Variants in DST observed in about 807,000 individuals in gnomAD.
The protein encoded by DST is bullous pemphigoid antigen.
A neutral mutation model predicts 875.2 loss-of-function variants in DST; 253 were observed. The observed-to-expected ratio is 0.29, with a 90% confidence interval of 0.26 to 0.32. DST has a LOEUF of 0.32. DST is among the 10% of genes least tolerant of loss of function. The pLI, the probability that DST is intolerant of heterozygous loss-of-function variation, is 1.00. For synonymous variants in DST, 3,124 were observed against 3,197.1 expected (o/e 0.98, Z 0.77); for missense variants, 8,287 against 9,111.6 (o/e 0.91, Z 3.68).
At chr6:56,548,660 C>T (rs2097268594) in intron 61 of DST, among the ~76,000 whole-genome samples, 1 of 152,088 alleles carries the variant, frequency 6.6e-6, no homozygotes, top group Non-Finnish European at 1.5e-5. Context: ...AACAGAATCG[C>T]CCTGCTATTC....
At chr6:56,707,359 A>C (rs2099345171) in intron 5 of DST, among the ~76,000 whole-genome samples, 1 of 152,228 alleles carries the variant, frequency 6.6e-6, no homozygotes, top group East Asian at 1.9e-4. Flanking sequence ...TATAACCAGA[A>C]AGCAGCCAAA....
At chr6:56,627,760 T>C (rs888022280) in intron 33 of DST, among the ~76,000 whole-genome samples, 1 of 152,192 alleles carries the variant, frequency 6.6e-6, no homozygotes, top group Non-Finnish European at 1.5e-5. Context: ...ATTAGGAATT[T>C]GAAAAGTATC....
rs59305137 is a variant in DST, at chr6:56,469,720, AC to A, written c.22551+162del. The A allele has an allele frequency of 0.015, 9,462 of 634,484 alleles. 493 individuals carry two copies. The highest frequency in any genetic ancestry group is 0.13 in the African/African-American group (6,903 of 54,252). The allele number at this position is 634,484 out of a possible 1,614,324, so 39.3% of individuals were successfully genotyped here. ...TATGCAAAATGCAGGCTGCCGTTATACAAATTAAAATGTTAAATGTAAGAGT... is the reference window on the plus strand; with the variant it reads ...TATGCAAAATGCAGGCTGCCGTTATAAAATTAAAATGTTAAATGTAAGAGT... On this transcript the variant is annotated intron_variant, in intron 97 of 103. Coordinates refer to ENST00000680361, the MANE Select transcript of DST (RefSeq NM_001374736.1).
chr6:56,855,395 C>T (rs886684912), intron 3 of DST, among the ~76,000 whole-genome samples: 2 of 151,976 alleles, frequency 1.3e-5, no homozygotes, highest in African/African-American at 4.8e-5. Flanking sequence ...CATACATTTA[C>T]GGAAGATTAA....
intron 9 of DST, chr6:56,693,027 G>C: frequency 7.8e-7 from 1 of 1,289,690 alleles, no homozygotes; most frequent in Non-Finnish European, 1.0e-6. Context: ...CAGTTTTTTT[G>C]ATCGGTTTTC....
In DST at chr6:56,848,663, C is replaced by A. The variant is rs982780644; in HGVS notation, c.625+2734G>T. ...GTTAAACAGATATTTATGGACTGGC[C>A]CCCCAAGTCTATCCTCCATGTATGA... On this transcript the variant is annotated intron_variant, in intron 4 of 103. Coordinates refer to ENST00000680361, the MANE Select transcript of DST (RefSeq NM_001374736.1). Among the ~76,000 whole-genome samples, 14 of 152,106 alleles carry A rather than the reference C, an allele frequency of 9.2e-5. 1 individual carries two copies. In the South Asian group the frequency reaches 2.3e-3, roughly 25 times the overall value.
At chr6:56,912,237 G>A (rs1177287806) in intron 2 of DST, among the ~76,000 whole-genome samples, 1 of 152,196 alleles carries the variant, frequency 6.6e-6, no homozygotes, top group Non-Finnish European at 1.5e-5. Flanking sequence ...TTATTATGGA[G>A]TCTTGGGGTC....
intron 71 of DST, among the ~76,000 whole-genome samples, chr6:56,516,507 T>C (rs1315912215): frequency 2.0e-5 from 3 of 152,200 alleles, no homozygotes; most frequent in East Asian, 3.9e-4. Context: ...TTATTTTATC[T>C]GTGGTCTACC....
intron 48 of DST, 112 bp downstream of exon 48, chr6:56,593,551 T>C: frequency 1.5e-6 from 1 of 653,736 alleles, no homozygotes; most frequent in Non-Finnish European, 2.3e-6. Flanking sequence ...AGGCTAAAGC[T>C]ACCTTTTCCT....
Position 56,606,178 on chromosome 6 carries a change from C to T in DST, c.8450G>A (p.Gly2817Glu), listed in dbSNP as rs368370438. Residue 2817 changes from glycine (G) to glutamate (E), a missense_variant, in exon 40 of 104, where the codon GGA becomes GAA. Around this residue, in one of 10 missense-constraint regions of DST, gnomAD observed 3,138 missense variants for 3,116.6 expected, o/e 1.01. Transcript: ENST00000680361. ...CTTTCCATTCTCATCTCTTATACCT[C>T]CTCCTTCTTCATCAATGCCATCATC... ...DDDDGIDEEG[G>E]GIRDENGKPR... 13 of 1,592,672 alleles carry T rather than the reference C, an allele frequency of 8.2e-6. No individual in the cohort carries two copies. The highest frequency in any genetic ancestry group is 4.0e-5 in the African/African-American group (3 of 74,554).
intron 4 of DST, chr6:56,742,212 C>T (rs2099549528): frequency 1.8e-6 from 2 of 1,104,132 alleles, no homozygotes; most frequent in African/African-American, 1.6e-5. Flanking sequence ...GCAGGTAGTG[C>T]AACTTTCCCT....
chr6:56,851,332 A>C, intron 4 of DST, 65 bp downstream of exon 4: 1 of 1,458,044 alleles, frequency 6.9e-7, no homozygotes. Flanking sequence ...GCCCCCCAGG[A>C]GGTAGATGGG....
At chr6:56,590,452 T>G (rs1055543909) in intron 49 of DST, among the ~76,000 whole-genome samples, 1 of 152,174 alleles carries the variant, frequency 6.6e-6, no homozygotes, top group Admixed American at 6.5e-5. Context: ...ATATATGCAA[T>G]CAATAATTAT....
rs953344272 is a variant in DST at position 56,878,041 on chromosome 6, T to TA, written c.417+22379dup. Among the ~76,000 whole-genome samples, 217 of 147,858 alleles carry TA rather than the reference T, an allele frequency of 1.5e-3. 1 individual carries two copies. The highest frequency in any genetic ancestry group is 5.1e-3 in the African/African-American group (208 of 40,526). The stretch of plus-strand genomic sequence containing the variant: ...TATAGACCTGTAATGAATTGGAAGT[T>TA]AAAAAAAAAAATCTTTCCCACAAAT... On this transcript the variant is annotated intron_variant, in intron 3 of 103. Transcript: ENST00000680361.
rs2099388142 is a variant in DST, at chr6:56,714,458, C to T, written c.688-10089G>A. On this transcript the variant is annotated intron_variant, in intron 5 of 103. Coordinates refer to ENST00000680361, the MANE Select transcript of DST (RefSeq NM_001374736.1). The surrounding 1 kb of genome is among the most constrained non-coding windows in gnomAD (Gnocchi z 4.5). ...AACTAGTTTTCCCAGTTGTAAAAGC[C>T]CAGTGTCACAGAAGAGGTACTGCAC... is the stretch of plus-strand genomic sequence containing the variant. Among the ~76,000 whole-genome samples, 1 of 152,088 alleles carries T rather than the reference C, an allele frequency of 6.6e-6. No individual in the cohort carries two copies. Among genetic ancestry groups the T allele is most frequent in the Non-Finnish European group, 1.5e-5 (1 of 68,028 alleles).
Position 56,597,713 on chromosome 6 carries a change from C to T in DST, c.12195+27G>A, listed in dbSNP as rs775547801. The T allele has an allele frequency of 1.9e-5, 30 of 1,588,544 alleles. No homozygotes were observed. The East Asian group carries it at 6.3e-4, about 33-fold the overall frequency. On this transcript the variant is annotated intron_variant, in intron 47 of 103. Coordinates refer to ENST00000680361, the MANE Select transcript of DST (RefSeq NM_001374736.1). ...TTACCAACCTGGAAATAGAATTGAA[C>T]GATATCATATGTTTATAACAACACA...
intron 61 of DST, among the ~76,000 whole-genome samples, chr6:56,537,993 A>AT (rs1298730882): frequency 6.8e-6 from 1 of 146,784 alleles, no homozygotes; most frequent in Non-Finnish European, 1.5e-5. Context: ...TATTATGATT[A>AT]TTTTTTTGAG....
At chr6:56,914,778 C>T (rs1329706072) in intron 2 of DST, among the ~76,000 whole-genome samples, 1 of 152,110 alleles carries the variant, frequency 6.6e-6, no homozygotes. Flanking sequence ...ACAGAAAACT[C>T]ATCAATACAA....
At position 56,647,688 on chromosome 6, in the gene DST, G is replaced by GTTGTTTTTTTTTTTT. The variant is rs1491402943; in HGVS notation, c.1554+881_1554+882insAAAAAAAAAAAACAA. ...CATATTTGTAATGGCTTTTTGTAAT[G>GTTGTTTTTTTTTTTT]TTTTTTTTTTTTTTTGAGACGGAGT... On this transcript the variant is annotated intron_variant, in intron 13 of 103. Coordinates refer to ENST00000680361, the MANE Select transcript of DST (RefSeq NM_001374736.1). Among the ~76,000 whole-genome samples the GTTGTTTTTTTTTTTT allele has an allele frequency of 1.4e-3, 183 of 126,834 alleles. 2 individuals are homozygous for GTTGTTTTTTTTTTTT. Among genetic ancestry groups the GTTGTTTTTTTTTTTT allele is most frequent in the African/African-American group, 5.5e-3 (174 of 31,428 alleles). 83.2% of individuals were successfully genotyped at this position (126,834 alleles called of 152,430 possible). A position where few individuals can be genotyped will look rare whatever the true frequency, so the allele number is the denominator to read the frequency against.
Sources: allele counts gnomAD v4.1 joint callset (sites outside exome capture counted in the v4.1 genomes callset), GRCh38; gene constraint gnomAD v4.1.1; regional missense constraint gnomAD v4.1.1; non-coding constraint Gnocchi (gnomAD v3.1); transcripts MANE v1.5; gene names NCBI Gene and HGNC (gene_info 2026-07-23, HGNC 2026-07-21).